The following JAZF1 variants were observed in gnomAD, a reference collection of about 807,000 sequenced individuals.
The protein encoded by JAZF1 is juxtaposed with another zinc finger protein 1.
Under a neutral mutation model 26.4 loss-of-function variants are expected in JAZF1, and 8 were observed. That is an observed-to-expected ratio of 0.30 (90% CI 0.18 to 0.55). The LOEUF (loss-of-function observed/expected upper bound fraction) is 0.55, where lower values mean the gene tolerates loss of function less well. Among genes scored for constraint, JAZF1 ranks in the 20% least tolerant of loss-of-function variants. The pLI, the probability that JAZF1 is intolerant of heterozygous loss-of-function variation, is 0.94. For missense variants in JAZF1, 199 were observed against 322.0 expected (o/e 0.62, Z 2.92); for synonymous variants, 126 against 122.3 (o/e 1.03, Z -0.20).
chr7:28,133,691 C>T (rs1030639221), intron 1 of JAZF1, among the ~76,000 whole-genome samples: 1 of 152,192 alleles, frequency 6.6e-6, no homozygotes, highest in African/African-American at 2.4e-5. Flanking sequence ...CCAGCTCCCC[C>T]ACCAACCTCA....
At chr7:28,091,043 G>T (rs1317860603) in intron 1 of JAZF1, among the ~76,000 whole-genome samples, 5 of 149,808 alleles carry the variant, frequency 3.3e-5, no homozygotes, top group Non-Finnish European at 7.4e-5. Flanking sequence ...AGCCAGGATG[G>T]TCTCAATCTC....
At chr7:28,156,735 A>T (rs1783191296) in intron 1 of JAZF1, among the ~76,000 whole-genome samples, 1 of 152,162 alleles carries the variant, frequency 6.6e-6, no homozygotes, top group Non-Finnish European at 1.5e-5. Context: ...TCCAGAAAAT[A>T]CTGCTGCTGC....
intron 2 of JAZF1, among the ~76,000 whole-genome samples, chr7:27,898,131 C>T (rs1784101934): frequency 6.6e-6 from 1 of 152,024 alleles, no homozygotes; most frequent in African/African-American, 2.4e-5. Flanking sequence ...ACCCATGGCT[C>T]TGAAAGCACT....
At chr7:27,987,910 A>C (rs1785765005) in intron 2 of JAZF1, among the ~76,000 whole-genome samples, 1 of 152,302 alleles carries the variant, frequency 6.6e-6, no homozygotes, top group East Asian at 1.9e-4. Flanking sequence ...GCTCTCTGAA[A>C]CACGTGCTGT....
rs932165281 is a variant in JAZF1, at chr7:28,073,700, T to A, written c.116-81719A>T. Among the ~76,000 whole-genome samples, 2 of 152,122 alleles carry A rather than the reference T, an allele frequency of 1.3e-5. 1 individual carries two copies. Among genetic ancestry groups the A allele is most frequent in the South Asian group, 4.1e-4 (2 of 4,824 alleles). On this transcript the variant is annotated intron_variant, in intron 1 of 4. Transcript: ENST00000283928. ...TTATTGCCCCTGCCCGGGGCAGTGC[T>A]GGCTGGCAACCCCAGGAGGAAAAAC...
intron 1 of JAZF1, among the ~76,000 whole-genome samples, chr7:28,026,263 TA>T (rs1783091883): frequency 6.6e-6 from 1 of 152,210 alleles, no homozygotes; most frequent in Admixed American, 6.5e-5. Context: ...TATTCTTCTC[TA>T]AAGCCCAAAG....
intron 1 of JAZF1, among the ~76,000 whole-genome samples, chr7:28,094,416 G>A (rs115240191): frequency 0.01 from 1,539 of 152,268 alleles, 30 homozygotes; most frequent in African/African-American, 0.036. Context: ...TTCCAGCCCC[G>A]GCACCGAGTC....
At chr7:27,964,644 T>C (rs1785242362) in intron 2 of JAZF1, among the ~76,000 whole-genome samples, 1 of 151,644 alleles carries the variant, frequency 6.6e-6, no homozygotes. Context: ...GAAAAAGTTT[T>C]TTTTTTTAAA....
At chr7:28,151,129 A>G (rs1783106837) in intron 1 of JAZF1, among the ~76,000 whole-genome samples, 2 of 148,572 alleles carry the variant, frequency 1.3e-5, no homozygotes, top group Admixed American at 6.7e-5. Flanking sequence ...TTTGAGACGG[A>G]GTTTCACTCT....
chr7:28,153,525 T>C (rs899876531), intron 1 of JAZF1, among the ~76,000 whole-genome samples: 3 of 152,168 alleles, frequency 2.0e-5, no homozygotes, highest in South Asian at 4.1e-4. Flanking sequence ...TAGATGACGA[T>C]ACCAGGAAAT....
At chr7:28,162,325 T>C (rs1289326778) in intron 1 of JAZF1, among the ~76,000 whole-genome samples, 2 of 152,236 alleles carry the variant, frequency 1.3e-5, no homozygotes, top group Admixed American at 6.5e-5. Context: ...GCCTAGGCCA[T>C]ACATATTGTA....
chr7:27,843,896 T>A (rs1217910259), intron 3 of JAZF1: 3 of 152,302 alleles, frequency 2.0e-5, no homozygotes, highest in Non-Finnish European at 4.4e-5. Context: ...GAGTAGCACA[T>A]GGTAAGAAAA....
At chr7:28,038,240 A>G (rs904033552) in intron 1 of JAZF1, among the ~76,000 whole-genome samples, 1 of 152,162 alleles carries the variant, frequency 6.6e-6, no homozygotes, top group Non-Finnish European at 1.5e-5. Flanking sequence ...AATTCAGGTG[A>G]AAGAAAACAT....
At chr7:27,992,367 T>C (rs1391817421) in intron 1 of JAZF1, 4 of 348,398 alleles carry the variant, frequency 1.1e-5, no homozygotes, top group South Asian at 4.8e-5. Flanking sequence ...TTAGTTTCCA[T>C]TGGAAAGCTC....
chr7:28,169,152 G>A (rs1390741402), intron 1 of JAZF1, among the ~76,000 whole-genome samples: 3 of 152,204 alleles, frequency 2.0e-5, no homozygotes, highest in Non-Finnish European at 2.9e-5. Context: ...GACAAAAGAC[G>A]ATTCCTTTAT....
At chr7:28,180,327 C>G (rs1172912652) in intron 1 of JAZF1, 136 bp downstream of exon 1, 19 of 408,330 alleles carry the variant, frequency 4.7e-5, no homozygotes, top group Non-Finnish European at 4.3e-6. Flanking sequence ...CCGCCACCCC[C>G]ACCTCGGGGC....
chr7:27,835,366 G>A (rs182639843), intron 4 of JAZF1, among the ~76,000 whole-genome samples: 6 of 152,292 alleles, frequency 3.9e-5, no homozygotes, highest in Non-Finnish European at 5.9e-5. Context: ...CAGATCTGTC[G>A]TTCACCAAGA....
chr7:27,846,653 G>A (rs1268408116), intron 3 of JAZF1: 2 of 413,076 alleles, frequency 4.8e-6, no homozygotes, highest in Admixed American at 5.4e-5. Flanking sequence ...CTGAATGGGT[G>A]TGCTCTTTTA....
intron 3 of JAZF1, among the ~76,000 whole-genome samples, chr7:27,869,616 T>G (rs1783545196): frequency 6.6e-6 from 1 of 152,180 alleles, no homozygotes; most frequent in South Asian, 2.1e-4. Flanking sequence ...AAGGGGTTGC[T>G]TCTGGCCTGT....
Sources: allele counts gnomAD v4.1 joint callset (sites outside exome capture counted in the v4.1 genomes callset), GRCh38; gene constraint gnomAD v4.1.1; transcripts MANE v1.5; gene names NCBI Gene and HGNC (gene_info 2026-07-23, HGNC 2026-07-21).